MGST1: variants seen among roughly 807,000 people sequenced by gnomAD.
MGST1 encodes the protein glutathione S-transferase 12.
In MGST1, 5 loss-of-function variants were observed where a neutral mutation model predicts 8.9. The observed-to-expected ratio is 0.56, with a 90% confidence interval of 0.29 to 1.19. The LOEUF (loss-of-function observed/expected upper bound fraction) is 1.19. MGST1 is among the 50% of genes most tolerant of loss of function. The pLI, the probability that MGST1 is intolerant of heterozygous loss-of-function variation, is 0.08. For synonymous variants in MGST1, 54 were observed against 67.8 expected (o/e 0.80, Z 1.00); for missense variants, 182 against 187.4 (o/e 0.97, Z 0.17).
chr12:16,481,350 G>A (rs1350256206), intron 4 of MGST1, among the ~76,000 whole-genome samples: 1 of 152,080 alleles, frequency 6.6e-6, no homozygotes, highest in Non-Finnish European at 1.5e-5. Flanking sequence ...AGATTTAGAG[G>A]AGCAATGCAT....
At chr12:16,511,984 T>G (rs1038714333) in intron 4 of MGST1, among the ~76,000 whole-genome samples, 2 of 152,214 alleles carry the variant, frequency 1.3e-5, no homozygotes, top group African/African-American at 2.4e-5. Context: ...ATTCAGTGTT[T>G]ATGTCAGTCT....
At position 16,364,401 on chromosome 12, in the gene MGST1, T is replaced by C; in HGVS notation, c.*360T>C. ...TGAAACAGACATGAAATAAAGAATT[T>C]AAAGAATGATTTTGTTTGGTTTTAT... On this transcript the variant is annotated 3_prime_UTR_variant, in exon 4 of 4. Coordinates refer to ENST00000396210, the MANE Select transcript of MGST1 (RefSeq NM_020300.5). This position sits in a 1 kb window ranked among gnomAD's most constrained non-coding sequence, Gnocchi z 5.7. The C allele has an allele frequency of 4.1e-6, 4 of 987,590 alleles. No individual in the cohort carries two copies. Among genetic ancestry groups the C allele is most frequent in the Non-Finnish European group, 4.8e-6 (4 of 829,376 alleles). 61.2% of individuals were successfully genotyped at this position (987,590 alleles called of 1,614,324 possible).
At chr12:16,437,815 G>A (rs1384571641) in exon 2 of MGST1, 1 of 151,538 alleles carries the variant, frequency 6.6e-6, no homozygotes, top group African/African-American at 2.4e-5. Flanking sequence ...CCCCACAGAT[G>A]TATTTATCCA....
Position 16,544,504 on chromosome 12 carries a change from T to C in MGST1, n.483-45024T>C, listed in dbSNP as rs188829856. ...CTAAGTAGATAAGATTAAATGTAAATGTAGAGAATTAAGTCAAACCATGCC... is the reference window on the plus strand; with the variant it reads ...CTAAGTAGATAAGATTAAATGTAAACGTAGAGAATTAAGTCAAACCATGCC... On this transcript the variant is annotated intron_variant and non_coding_transcript_variant, in intron 4 of 4. Transcript: ENST00000538857. The surrounding 1 kb of genome is among the most constrained non-coding windows in gnomAD (Gnocchi z 4.8). Among the ~76,000 whole-genome samples, 4 of 152,148 alleles carry C rather than the reference T, an allele frequency of 2.6e-5. No individual in the cohort carries two copies. Among genetic ancestry groups the C allele is most frequent in the Admixed American group, 2.0e-4 (3 of 15,260 alleles).
At chr12:16,404,673 T>C (rs1439711465) in intron 1 of MGST1, among the ~76,000 whole-genome samples, 1 of 152,166 alleles carries the variant, frequency 6.6e-6, no homozygotes, top group Non-Finnish European at 1.5e-5. Flanking sequence ...GCTTCATTTA[T>C]TCCTCTCCCT....
At chr12:16,348,647 A>G (rs1939307564) in intron 1 of MGST1, among the ~76,000 whole-genome samples, 4 of 152,010 alleles carry the variant, frequency 2.6e-5, no homozygotes, top group Admixed American at 1.3e-4. Context: ...GCAATCCTTA[A>G]AGCCCAGTTT....
At chr12:16,411,737 A>G (rs1186526933) in intron 1 of MGST1, among the ~76,000 whole-genome samples, 3 of 152,180 alleles carry the variant, frequency 2.0e-5, no homozygotes, top group African/African-American at 7.2e-5. Context: ...TGTATTCTCT[A>G]TGATAATGTA....
At position 16,500,793 on chromosome 12, in the gene MGST1, G is replaced by A. The variant is rs920166345; in HGVS notation, n.483-88735G>A. On this transcript the variant is annotated intron_variant and non_coding_transcript_variant, in intron 4 of 4. Coordinates refer to the MGST1 transcript ENST00000538857. The surrounding 1 kb of genome is among the most constrained non-coding windows in gnomAD (Gnocchi z 4.3). ...AGAAAAATCAGTGCATCTATTTATC[G>A]TTCTTTTTGTTCAATGAAAATGTAC... Among the ~76,000 whole-genome samples, 2 of 152,114 alleles carry A rather than the reference G, an allele frequency of 1.3e-5. No homozygotes were observed. Among genetic ancestry groups the A allele is most frequent in the South Asian group, 2.1e-4 (1 of 4,826 alleles).
chr12:16,550,914 A>C (rs1343895717), intron 4 of MGST1: 2 of 234,994 alleles, frequency 8.5e-6, no homozygotes, highest in Non-Finnish European at 1.7e-5. Flanking sequence ...TGTGCTTCAA[A>C]TATTACAATA....
chr12:16,586,517 A>G lies in MGST1; in HGVS notation n.483-3011A>G, dbSNP rs1943325776. On this transcript the variant is annotated intron_variant and non_coding_transcript_variant, in intron 4 of 4. Transcript: ENST00000538857. The surrounding 1 kb of genome is among the most constrained non-coding windows in gnomAD (Gnocchi z 4.3). ...ATTATCTTCTACGTCCACAGAAAAA[A>G]ATCTGTTGTATAATATTGTCAGATT... Among the ~76,000 whole-genome samples, 1 of 152,142 alleles carries G rather than the reference A, an allele frequency of 6.6e-6. No homozygotes were observed. Among genetic ancestry groups the G allele is most frequent in the African/African-American group, 2.4e-5 (1 of 41,438 alleles).
chr12:16,546,750 A>G lies in MGST1; in HGVS notation n.483-42778A>G, dbSNP rs1941828179. On this transcript the variant is annotated intron_variant and non_coding_transcript_variant, in intron 4 of 4. Coordinates refer to the MGST1 transcript ENST00000538857. This position sits in a 1 kb window ranked among gnomAD's most constrained non-coding sequence, Gnocchi z 4.7. ...TGGCATTTACCAAGATAGTTGGGAA[A>G]GTTTAGTTGGTGACTTTTTATGTCA... 6.6e-6 allele frequency among the ~76,000 whole-genome samples: 1 copy of G among 152,090 alleles called. No individual in the cohort carries two copies. The highest frequency in any genetic ancestry group is 2.1e-4 in the South Asian group (1 of 4,830).
chr12:16,407,095 A>G (rs1445220492), intron 1 of MGST1, among the ~76,000 whole-genome samples: 1 of 152,240 alleles, frequency 6.6e-6, no homozygotes, highest in Admixed American at 6.5e-5. Flanking sequence ...CTGCACAGTG[A>G]AAGAAACTAT....
chr12:16,520,979 C>A lies in MGST1; in HGVS notation n.483-68549C>A, dbSNP rs185651198. Among the ~76,000 whole-genome samples the A allele has an allele frequency of 2.4e-3, 361 of 152,140 alleles. 5 individuals are homozygous for A. Among genetic ancestry groups the A allele is most frequent in the African/African-American group, 8.5e-3 (351 of 41,510 alleles). ...GTGTTTGCAATCCAATGGGTGTTGTCATTTTTGCACTTAATAAGCACACTT... is the reference window on the plus strand; with the variant it reads ...GTGTTTGCAATCCAATGGGTGTTGTAATTTTTGCACTTAATAAGCACACTT... On this transcript the variant is annotated intron_variant and non_coding_transcript_variant, in intron 4 of 4. Transcript: ENST00000538857.
At chr12:16,375,827 A>G (rs893579690) in intron 3 of MGST1, among the ~76,000 whole-genome samples, 3 of 151,918 alleles carry the variant, frequency 2.0e-5, no homozygotes, top group African/African-American at 7.2e-5. Context: ...AGGCAATGTG[A>G]GATGAACCTG....
intron 4 of MGST1, among the ~76,000 whole-genome samples, chr12:16,489,303 G>T (rs1354903262): frequency 6.6e-6 from 1 of 151,928 alleles, no homozygotes; most frequent in Non-Finnish European, 1.5e-5. Flanking sequence ...AAGATCTCTA[G>T]TTCATGTTTG....
At chr12:16,552,875 T>C (rs1394654660) in intron 4 of MGST1, among the ~76,000 whole-genome samples, 1 of 152,100 alleles carries the variant, frequency 6.6e-6, no homozygotes, top group African/African-American at 2.4e-5. Context: ...GCCAGTTTGA[T>C]ATCCTTATCA....
chr12:16,400,078 AT>A, intron 1 of MGST1: 1 of 1,579,228 alleles, frequency 6.3e-7, no homozygotes, highest in Admixed American at 1.7e-5. Flanking sequence ...TACTTTCTCC[AT>A]GAAATTCTAA....
chr12:16,516,722 G>T lies in MGST1; in HGVS notation n.483-72806G>T, dbSNP rs529036890. ...GAATGAGGGCATTGCTTTTTTTAAA[G>T]GAAGACTATCTATCAGAAATGACCT... On this transcript the variant is annotated intron_variant and non_coding_transcript_variant, in intron 4 of 4. Coordinates refer to the MGST1 transcript ENST00000538857. Among the ~76,000 whole-genome samples the T allele has an allele frequency of 1.1e-4, 17 of 152,206 alleles. No individual in the cohort carries two copies. In the South Asian group the frequency reaches 3.3e-3, roughly 30 times the overall value.
intron 4 of MGST1, among the ~76,000 whole-genome samples, chr12:16,466,565 T>C (rs77355202): frequency 0.015 from 2,266 of 152,306 alleles, 25 homozygotes; most frequent in Middle Eastern, 0.034. Context: ...GACTGATTTT[T>C]TGGGGTCATT....
Sources: gnomAD v4.1 joint callset for allele counts (sites outside exome capture counted in the v4.1 genomes callset) on GRCh38, gnomAD v4.1.1 for gene constraint, Gnocchi (gnomAD v3.1) non-coding constraint, MANE v1.5 for transcripts, NCBI Gene and HGNC (gene_info 2026-07-23, HGNC 2026-07-21) for gene names.